OSBPL8: variants seen among roughly 807,000 people sequenced by gnomAD.
The protein encoded by OSBPL8 is oxysterol-binding protein-related protein 8.
Under a neutral mutation model 125.5 loss-of-function variants are expected in OSBPL8, and 59 were observed. That is an observed-to-expected ratio of 0.47 (90% CI 0.38 to 0.58). The LOEUF (loss-of-function observed/expected upper bound fraction) is 0.58. OSBPL8 is among the 20% of genes least tolerant of loss of function. OSBPL8 has a pLI of 0.00. For synonymous variants in OSBPL8, 330 were observed against 338.9 expected, an observed-to-expected ratio of 0.97 and a Z score of 0.29; for missense variants, 758 against 1,047.8, an observed-to-expected ratio of 0.72 and a Z score of 3.82.
chr12:76,539,545 A>G (rs1384340495), intron 1 of OSBPL8, among the ~76,000 whole-genome samples: 3 of 152,344 alleles, frequency 2.0e-5, no homozygotes, highest in South Asian at 2.1e-4. Context: ...TGAAAGCAAG[A>G]AAACAAAAGC....
intron 1 of OSBPL8, among the ~76,000 whole-genome samples, chr12:76,544,940 G>A (rs1950744467): frequency 6.6e-6 from 1 of 151,926 alleles, no homozygotes; most frequent in South Asian, 2.1e-4. Flanking sequence ...CTACCTGATT[G>A]GAATTTTAGC....
At chr12:76,396,689 G>A in intron 8 of OSBPL8, among the ~76,000 whole-genome samples, 1 of 152,160 alleles carries the variant, frequency 6.6e-6, no homozygotes, top group East Asian at 1.9e-4. Flanking sequence ...GGGAGGTTGA[G>A]GCTGCAGTGA....
intron 21 of OSBPL8, among the ~76,000 whole-genome samples, chr12:76,364,515 G>A (rs1952332923): frequency 6.6e-6 from 1 of 152,182 alleles, no homozygotes; most frequent in African/African-American, 2.4e-5. Context: ...TGGGAGGCTA[G>A]GGGAGGGATA....
intron 4 of OSBPL8, among the ~76,000 whole-genome samples, chr12:76,438,087 C>A (rs1028088615): frequency 2.7e-5 from 4 of 149,434 alleles, no homozygotes; most frequent in Non-Finnish European, 5.9e-5. Context: ...CCTGGGTTCA[C>A]GCTATTCTCC....
chr12:76,483,575 A>T (rs1404942474), intron 2 of OSBPL8, among the ~76,000 whole-genome samples: 1 of 150,504 alleles, frequency 6.6e-6, no homozygotes, highest in Non-Finnish European at 1.5e-5. Context: ...ATAAAAAAAA[A>T]TTTGTATTAT....
intron 4 of OSBPL8, among the ~76,000 whole-genome samples, chr12:76,443,892 A>G (rs1313282053): frequency 1.3e-5 from 2 of 152,222 alleles, no homozygotes; most frequent in East Asian, 1.9e-4. Flanking sequence ...TTAAGAGACT[A>G]TAATTTTACT....
intron 2 of OSBPL8, among the ~76,000 whole-genome samples, chr12:76,464,711 C>T (rs1218153845): frequency 6.6e-6 from 1 of 152,134 alleles, no homozygotes; most frequent in East Asian, 1.9e-4. Flanking sequence ...GTTTTGATTC[C>T]ATCCCTTTGG....
At chr12:76,508,450 A>G (rs1880645942) in intron 1 of OSBPL8, among the ~76,000 whole-genome samples, 1 of 152,168 alleles carries the variant, frequency 6.6e-6, no homozygotes, top group African/African-American at 2.4e-5. Flanking sequence ...CCATGGTGAC[A>G]TTGTCAGTTG....
chr12:76,510,849 C>T (rs1162797878), intron 1 of OSBPL8, among the ~76,000 whole-genome samples: 1 of 150,552 alleles, frequency 6.6e-6, no homozygotes, highest in Non-Finnish European at 1.5e-5. Context: ...CCACTGCACT[C>T]CAGCCTGGGC....
chr12:76,552,318 C>T (rs1950965706), intron 1 of OSBPL8, among the ~76,000 whole-genome samples: 1 of 148,900 alleles, frequency 6.7e-6, no homozygotes, highest in Admixed American at 6.8e-5. Context: ...ACCAGCTACT[C>T]GGAAGGCTAA....
chr12:76,433,055 A>C (rs1411225560), intron 4 of OSBPL8, among the ~76,000 whole-genome samples: 1 of 152,204 alleles, frequency 6.6e-6, no homozygotes, highest in Non-Finnish European at 1.5e-5. Context: ...TCTCAACAAA[A>C]TAGGTATAGA....
intron 1 of OSBPL8, among the ~76,000 whole-genome samples, chr12:76,522,452 T>A (rs1241212579): frequency 3.3e-5 from 5 of 152,136 alleles, no homozygotes; most frequent in Non-Finnish European, 5.9e-5. Flanking sequence ...GGGGGCAGAT[T>A]CTTCATGAAT....
chr12:76,386,754 G>A, intron 12 of OSBPL8, 94 bp from the exon 13 acceptor site: 4 of 783,488 alleles, frequency 5.1e-6, no homozygotes, highest in South Asian at 2.0e-5. Context: ...AAACATGATT[G>A]GAAAACATAA....
chr12:76,547,922 T>C (rs2137473666), intron 1 of OSBPL8, among the ~76,000 whole-genome samples: 1 of 152,228 alleles, frequency 6.6e-6, no homozygotes, highest in South Asian at 2.1e-4. Context: ...AGTTCAAGTT[T>C]TAGGACCAAG....
rs184911678 is a variant in OSBPL8, at chr12:76,410,154, A to G, written c.288+410T>C. Among the ~76,000 whole-genome samples, 55 of 152,300 alleles carry G rather than the reference A, an allele frequency of 3.6e-4. 1 individual carries two copies. In the East Asian group the frequency reaches 8.9e-3, roughly 25 times the overall value. Reference sequence around the variant, plus strand: ...TTCTAAGAAAATGTCTGTCAATAGTAGGCAATTACTACTGCAAAGCTCTGG... The same window carrying G: ...TTCTAAGAAAATGTCTGTCAATAGTGGGCAATTACTACTGCAAAGCTCTGG... On this transcript the variant is annotated intron_variant, in intron 5 of 23. Transcript: ENST00000261183.
intron 15 of OSBPL8, among the ~76,000 whole-genome samples, chr12:76,381,616 A>T (rs1171795166): frequency 6.6e-6 from 1 of 151,914 alleles, no homozygotes; most frequent in Non-Finnish European, 1.5e-5. Flanking sequence ...AATGTTCTTT[A>T]TCTCTATTAA....
intron 4 of OSBPL8, among the ~76,000 whole-genome samples, chr12:76,419,233 C>T (rs1271266850): frequency 1.3e-5 from 2 of 152,044 alleles, no homozygotes; most frequent in Admixed American, 1.3e-4. Context: ...GAGACTCCAT[C>T]TCAAAACAAA....
chr12:76,539,080 G>C (rs1225117963), intron 1 of OSBPL8, among the ~76,000 whole-genome samples: 2 of 143,782 alleles, frequency 1.4e-5, no homozygotes, highest in Non-Finnish European at 3.0e-5. Context: ...TAAGTATCCT[G>C]AATCTCTTAC....
chr12:76,550,052 T>C (rs952987739), intron 1 of OSBPL8, among the ~76,000 whole-genome samples: 5 of 130,924 alleles, frequency 3.8e-5, no homozygotes, highest in Non-Finnish European at 4.6e-5. Context: ...TACAGATAAA[T>C]AGAGAATGCA....
Sources: allele counts gnomAD v4.1 joint callset (sites outside exome capture counted in the v4.1 genomes callset), GRCh38; gene constraint gnomAD v4.1.1; transcripts MANE v1.5; gene names NCBI Gene and HGNC (gene_info 2026-07-23, HGNC 2026-07-21).